Variants in PSTPIP2 observed in about 807,000 individuals in gnomAD.
PSTPIP2 encodes proline-serine-threonine phosphatase-interacting protein 2.
In PSTPIP2, 33 loss-of-function variants were observed where a neutral mutation model predicts 63.3. The observed-to-expected ratio is 0.52, with a 90% CI of 0.40 to 0.70. PSTPIP2 has a LOEUF of 0.70. Among genes scored for constraint, PSTPIP2 ranks in the 30% least tolerant of loss-of-function variants. PSTPIP2 has a pLI of 0.00. For missense variants in PSTPIP2, 312 were observed against 400.7 expected, an observed-to-expected ratio of 0.78 and a Z score of 1.89; for synonymous variants, 125 against 132.7, an observed-to-expected ratio of 0.94 and a Z score of 0.40.
chr18:46,063,530 G>A (rs761184850), intron 1 of PSTPIP2, among the ~76,000 whole-genome samples: 36 of 151,970 alleles, frequency 2.4e-4, no homozygotes, highest in Non-Finnish European at 2.6e-4. Flanking sequence ...AATCAAACCC[G>A]GGAATGTCCA....
At chr18:45,990,909 C>T (rs1173747433) in intron 12 of PSTPIP2, among the ~76,000 whole-genome samples, 153 bp from the exon 13 acceptor site, 2 of 152,148 alleles carry the variant, frequency 1.3e-5, no homozygotes, top group Non-Finnish European at 2.9e-5. Flanking sequence ...ATCTGTAGCA[C>T]TGACCTACGG....
At chr18:46,044,349 C>T (rs763441409) in intron 1 of PSTPIP2, among the ~76,000 whole-genome samples, 37 of 152,132 alleles carry the variant, frequency 2.4e-4, no homozygotes, top group Non-Finnish European at 4.0e-4. Flanking sequence ...TCAGAAATAA[C>T]ACTGCATATC....
intron 5 of PSTPIP2, among the ~76,000 whole-genome samples, chr18:46,007,297 G>A (rs2051738535): frequency 6.6e-6 from 1 of 152,230 alleles, no homozygotes; most frequent in Admixed American, 6.5e-5. Flanking sequence ...CCTTGGAGGA[G>A]CTTCAAAGGA....
At position 45,997,812 on chromosome 18, in the gene PSTPIP2, C is replaced by T. The variant is rs1393519878; in HGVS notation, c.579G>A (p.Leu193=). 3 of 1,546,340 alleles carry T rather than the reference C, an allele frequency of 1.9e-6. No individual in the cohort carries two copies. Among genetic ancestry groups the T allele is most frequent in the East Asian group, 2.5e-5 (1 of 39,526 alleles). ...GGACCTTATCCAGGGTGCCGATGTG[C>T]AGCATGTATGCTTTGTCTGCAACAG... ...AVEDSDKAYM[L]HIGTLDKVRE... Residue 193 remains leucine (L), a synonymous_variant, in exon 9 of 15, where the codon CTG becomes CTA. Coordinates refer to ENST00000409746, the MANE Select transcript of PSTPIP2 (RefSeq NM_024430.4).
intron 2 of PSTPIP2, among the ~76,000 whole-genome samples, chr18:46,035,344 C>T (rs531829498): frequency 4.0e-5 from 6 of 151,138 alleles, no homozygotes; most frequent in African/African-American, 9.7e-5. Context: ...TGTCTGAACC[C>T]GGGAGACGGA....
At chr18:46,055,175 A>T (rs1908714880) in intron 1 of PSTPIP2, among the ~76,000 whole-genome samples, 1 of 151,930 alleles carries the variant, frequency 6.6e-6, no homozygotes, top group Non-Finnish European at 1.5e-5. Context: ...GCTTGACCTT[A>T]CCACATCTCA....
chr18:46,027,937 G>C (rs972726589), intron 2 of PSTPIP2, among the ~76,000 whole-genome samples: 1 of 152,214 alleles, frequency 6.6e-6, no homozygotes, highest in Non-Finnish European at 1.5e-5. Flanking sequence ...AAGGCAGGCG[G>C]ATCAGTTGAA....
intron 1 of PSTPIP2, among the ~76,000 whole-genome samples, chr18:46,059,661 T>C (rs1159172170): frequency 6.6e-6 from 1 of 152,112 alleles, no homozygotes; most frequent in Non-Finnish European, 1.5e-5. Flanking sequence ...GAGAAAACAA[T>C]AGTTGATATT....
chr18:45,997,713 C>A, intron 9 of PSTPIP2, 36 bp downstream of exon 9: 3 of 594,450 alleles, frequency 5.0e-6, no homozygotes, highest in Non-Finnish European at 8.7e-6. Context: ...CCCCACCCAC[C>A]CACCCCAGTC....
chr18:45,987,890 C>T (rs1599689688), intron 14 of PSTPIP2, among the ~76,000 whole-genome samples: 1 of 152,160 alleles, frequency 6.6e-6, no homozygotes, highest in Admixed American at 6.5e-5. Context: ...GTTCAGTCCT[C>T]GTCTAAGAAT....
chr18:45,990,628 C>A (rs1599692613), intron 13 of PSTPIP2, 94 bp downstream of exon 13: 1 of 1,094,166 alleles, frequency 9.1e-7, no homozygotes, highest in East Asian at 2.4e-5. Flanking sequence ...CAGGGTTTCA[C>A]CATGTTGACC....
At chr18:46,035,150 G>A (rs1408079380) in intron 2 of PSTPIP2, among the ~76,000 whole-genome samples, 1 of 152,072 alleles carries the variant, frequency 6.6e-6, no homozygotes, top group Non-Finnish European at 1.5e-5. Context: ...GGTCGGGCAT[G>A]GTGGCTCACA....
At chr18:46,048,506 G>C (rs1908461833) in intron 1 of PSTPIP2, among the ~76,000 whole-genome samples, 1 of 152,184 alleles carries the variant, frequency 6.6e-6, no homozygotes, top group Non-Finnish European at 1.5e-5. Flanking sequence ...ACACCACCAA[G>C]TAATAGGGCA....
At chr18:46,044,357 A>G (rs978066111) in intron 1 of PSTPIP2, among the ~76,000 whole-genome samples, 3 of 152,196 alleles carry the variant, frequency 2.0e-5, no homozygotes, top group African/African-American at 7.2e-5. Context: ...AACACTGCAT[A>G]TCTACAACTA....
intron 5 of PSTPIP2, among the ~76,000 whole-genome samples, chr18:46,007,378 T>C (rs1310215742): frequency 6.6e-6 from 1 of 152,230 alleles, no homozygotes; most frequent in East Asian, 1.9e-4. Flanking sequence ...GCCATTCGCC[T>C]GCTAATGGCG....
At chr18:46,051,939 G>T (rs145763870) in intron 1 of PSTPIP2, among the ~76,000 whole-genome samples, 30 of 152,350 alleles carry the variant, frequency 2.0e-4, no homozygotes, top group Admixed American at 3.9e-4. Context: ...ATGCGTTCAA[G>T]ATGTGTGAAA....
Position 46,057,821 on chromosome 18 carries a change from C to T in PSTPIP2, c.33+14335G>A, listed in dbSNP as rs551897449. Among the ~76,000 whole-genome samples the T allele has an allele frequency of 1.4e-3, 218 of 151,822 alleles. 1 individual carries two copies. The highest frequency in any genetic ancestry group is 5.1e-3 in the African/African-American group (210 of 41,434). On this transcript the variant is annotated intron_variant, in intron 1 of 14. Coordinates refer to ENST00000409746, the MANE Select transcript of PSTPIP2 (RefSeq NM_024430.4). ...GACCATCCTGGCTAACACGGTGAAACCCCGTCTCTACTAAAAAATACAAAA... is the reference window on the plus strand; with the variant it reads ...GACCATCCTGGCTAACACGGTGAAATCCCGTCTCTACTAAAAAATACAAAA...
At chr18:46,003,410 G>C (rs957337161) in intron 6 of PSTPIP2, among the ~76,000 whole-genome samples, 9 of 152,140 alleles carry the variant, frequency 5.9e-5, no homozygotes, top group African/African-American at 1.9e-4. Context: ...TGGAAGTTTA[G>C]ACTCTCCACT....
chr18:46,031,621 T>A (rs1037326865), intron 2 of PSTPIP2, among the ~76,000 whole-genome samples: 18 of 152,298 alleles, frequency 1.2e-4, no homozygotes, highest in African/African-American at 4.1e-4. Flanking sequence ...CATTTAATAT[T>A]TTTACATGTA....
Sources: allele counts gnomAD v4.1 joint callset (sites outside exome capture counted in the v4.1 genomes callset), GRCh38; gene constraint gnomAD v4.1.1; transcripts MANE v1.5; gene names NCBI Gene and HGNC (gene_info 2026-07-23, HGNC 2026-07-21).